ZNF599: variants seen among roughly 807,000 people sequenced by gnomAD.
ZNF599 encodes the protein zinc finger protein 599.
ZNF599 carries 10 observed loss-of-function variants against 11.7 expected under a neutral mutation model. The ratio of observed to expected loss-of-function variants is 0.86; its 90% CI spans 0.53 to 1.45. The LOEUF (loss-of-function observed/expected upper bound fraction) is 1.45. Among genes scored for constraint, ZNF599 ranks in the 40% most tolerant of loss-of-function variants. The pLI is 0.00. For missense variants in ZNF599, 688 were observed against 713.6 expected, an observed-to-expected ratio of 0.96 and a Z score of 0.41; for synonymous variants, 232 against 253.2, an observed-to-expected ratio of 0.92 and a Z score of 0.79.
At chr19:34,776,805 A>G (rs1048515053), upstream of ZNF599, among the ~76,000 whole-genome samples, 13 of 152,220 alleles carry the variant, frequency 8.5e-5, no homozygotes, top group Admixed American at 5.9e-4. Context: ...ATCGGCAGAG[A>G]GTAGCAGCTC....
In ZNF599 at chr19:34,760,056, G is replaced by GA. The variant is rs1189980608; in HGVS notation, c.744dup (p.His249SerfsTer11). The GA allele has an allele frequency of 8.7e-6, 14 of 1,614,028 alleles. No homozygotes were observed. The highest frequency in any genetic ancestry group is 1.2e-5 in the Non-Finnish European group (14 of 1,180,002). Reference sequence around the variant, plus strand: ...CACTTGTATGGTTTTTCCCCAGTATGAAGCCTCATATGTCGAATGACATCA... The same window carrying GA: ...CACTTGTATGGTTTTTCCCCAGTATGAAAGCCTCATATGTCGAATGACATCA... On this transcript the variant is annotated frameshift_variant, in exon 4 of 4. Coordinates refer to ENST00000329285, the MANE Select transcript of ZNF599 (RefSeq NM_001007248.3). LOFTEE classifies it low-confidence loss of function (END_TRUNC).
the ZNF599 span, among the ~76,000 whole-genome samples, chr19:34,798,938 G>C: frequency 6.6e-6 from 1 of 152,154 alleles, no homozygotes; most frequent in South Asian, 2.1e-4. Context: ...GGCAACTATT[G>C]ATCTTCTTAC....
the ZNF599 span, among the ~76,000 whole-genome samples, chr19:34,784,007 C>G: frequency 1.8e-4 from 27 of 152,202 alleles, no homozygotes; most frequent in Non-Finnish European, 3.4e-4. Context: ...TCATCCTGCC[C>G]AAGACCCCCT....
chr19:34,803,739 T>C, the ZNF599 span, among the ~76,000 whole-genome samples: 8 of 152,120 alleles, frequency 5.3e-5, no homozygotes, highest in Non-Finnish European at 1.2e-4. Flanking sequence ...CCACCCCTTC[T>C]TGCCAAGAAA....
the ZNF599 span, among the ~76,000 whole-genome samples, chr19:34,782,491 T>A: frequency 5.4e-4 from 83 of 152,328 alleles, no homozygotes; most frequent in African/African-American, 1.9e-3. Flanking sequence ...AAGAAATGAC[T>A]GAGCTGGATG....
In ZNF599 at chr19:34,759,775, A is replaced by C; in HGVS notation, c.1026T>G (p.Gly342=). 1.2e-6 allele frequency: 2 copies of C among 1,614,094 alleles called. No individual in the cohort carries two copies. The highest frequency in any genetic ancestry group is 1.7e-6 in the Non-Finnish European group (2 of 1,180,004). Residue 342 remains glycine (G), a synonymous_variant, in exon 4 of 4, where the codon GGT becomes GGG. Coordinates refer to ENST00000329285, the MANE Select transcript of ZNF599 (RefSeq NM_001007248.3). ...IHTGKKLYEC[G]ECGKAFTHRS... is the part of the protein sequence containing the mutation. The stretch of plus-strand genomic sequence containing the variant: ...GGTGCGTGAAGGCCTTTCCACATTC[A>C]CCGCACTCATAGAGTTTCTTTCCAG...
At chr19:34,803,856 T>C in the ZNF599 span, among the ~76,000 whole-genome samples, 2 of 152,186 alleles carry the variant, frequency 1.3e-5, no homozygotes, top group African/African-American at 4.8e-5. Context: ...TCCCTCTCCA[T>C]GTGCACATCA....
chr19:34,777,609 T>G (rs547062208), upstream of ZNF599, among the ~76,000 whole-genome samples: 206 of 136,032 alleles, frequency 1.5e-3, no homozygotes, highest in African/African-American at 5.3e-3. Flanking sequence ...ATATATATAC[T>G]GGATATGTAT....
At chr19:34,801,053 C>T in the ZNF599 span, among the ~76,000 whole-genome samples, 1 of 152,202 alleles carries the variant, frequency 6.6e-6, no homozygotes. Flanking sequence ...CCTTCCACCT[C>T]TGTGTGGTAA....
intron 2 of ZNF599, among the ~76,000 whole-genome samples, chr19:34,767,825 C>T (rs1255047856): frequency 1.3e-5 from 2 of 152,220 alleles, no homozygotes; most frequent in Middle Eastern, 3.2e-3. Flanking sequence ...CACAAGGATA[C>T]TGGCCAGGGC....
In ZNF599 at chr19:34,758,760, A is replaced by C. The variant is rs2145446235; in HGVS notation, c.*274T>G. 1 of 316,914 alleles carries C rather than the reference A, an allele frequency of 3.2e-6. No individual in the cohort carries two copies. The highest frequency in any genetic ancestry group is 5.8e-6 in the Non-Finnish European group (1 of 173,094). 19.6% of individuals were successfully genotyped at this position (316,914 alleles called of 1,614,324 possible). A position where few individuals can be genotyped will look rare whatever the true frequency, so the allele number is the denominator to read the frequency against. Reference sequence around the variant, plus strand: ...TGACATTTTACCTAAATGCATGTTAACCACCAGGTCTCTCCCCTCGATTAT... The same window carrying C: ...TGACATTTTACCTAAATGCATGTTACCCACCAGGTCTCTCCCCTCGATTAT... On this transcript the variant is annotated 3_prime_UTR_variant, in exon 4 of 4. Transcript: ENST00000329285.
In ZNF599 at chr19:34,772,557, G is replaced by A. The variant is rs769404147; in HGVS notation, c.18+267C>T. 17 of 1,339,330 alleles carry A rather than the reference G, an allele frequency of 1.3e-5. No individual in the cohort carries two copies. The Admixed American group carries it at 5.2e-4, about 41-fold the overall frequency. 83.0% of individuals were successfully genotyped at this position (1,339,330 alleles called of 1,614,324 possible). A position where few individuals can be genotyped will look rare whatever the true frequency, so the allele number is the denominator to read the frequency against. ...TTACTGAGACTCGCATTTTAGACCC[G>A]AGGGAATGGAGGCCGAGGGCAGCGA... On this transcript the variant is annotated intron_variant, in intron 1 of 3. Transcript: ENST00000329285.
At chr19:34,778,625 G>A in the ZNF599 span, among the ~76,000 whole-genome samples, 1 of 152,146 alleles carries the variant, frequency 6.6e-6, no homozygotes, top group Admixed American at 6.5e-5. Context: ...AAAATGTAAT[G>A]GAGAATATGT....
Position 34,759,949 on chromosome 19 carries a change from C to T in ZNF599, c.852G>A (p.Glu284=). The T allele has an allele frequency of 6.2e-7, 1 of 1,614,168 alleles. No individual in the cohort carries two copies. The highest frequency in any genetic ancestry group is 1.3e-5 in the African/African-American group (1 of 75,034). ...TGAATGCTTTGCCACATTCTTTGCA[C>T]TCATAGGGCTTATCTCCGGTGTGAA... is the stretch of plus-strand genomic sequence containing the variant. ...QRIHTGDKPY[E]CKECGKAFTH... The change falls in exon 4 of 4, where the codon GAG becomes GAA. Residue 284 remains glutamate (E), a synonymous_variant. Coordinates refer to ENST00000329285, the MANE Select transcript of ZNF599 (RefSeq NM_001007248.3).
Position 34,773,033 on chromosome 19 carries a change from G to T in ZNF599, c.-192C>A. On this transcript the variant is annotated 5_prime_UTR_variant, in exon 1 of 4. Transcript: ENST00000329285. ...GGGCTGTCGCCAAGGCCCCAGGAAG[G>T]GTTTTGCAGACGCTTGTGGGGGTGG... The T allele has an allele frequency of 1.6e-6, 1 of 627,974 alleles. No homozygotes were observed. The highest frequency in any genetic ancestry group is 2.6e-6 in the Non-Finnish European group (1 of 388,806). 38.9% of individuals were successfully genotyped at this position (627,974 alleles called of 1,614,324 possible).
chr19:34,800,247 G>A, the ZNF599 span, among the ~76,000 whole-genome samples: 4 of 152,158 alleles, frequency 2.6e-5, no homozygotes, highest in African/African-American at 9.6e-5. Flanking sequence ...TTATCATTAT[G>A]TACTGCCCCT....
chr19:34,783,660 A>G, the ZNF599 span, among the ~76,000 whole-genome samples: 3 of 152,308 alleles, frequency 2.0e-5, no homozygotes, highest in South Asian at 6.2e-4. Flanking sequence ...ATCAGAAAAT[A>G]TAGAAAATAT....
At chr19:34,776,114 G>C (rs2069216130), upstream of ZNF599, among the ~76,000 whole-genome samples, 1 of 152,092 alleles carries the variant, frequency 6.6e-6, no homozygotes, top group Non-Finnish European at 1.5e-5. Flanking sequence ...TTTCTTTGTT[G>C]CATTTACTTT....
intron 1 of ZNF599, among the ~76,000 whole-genome samples, chr19:34,770,965 T>G (rs769635762): frequency 6.6e-6 from 1 of 152,090 alleles, no homozygotes; most frequent in Non-Finnish European, 1.5e-5. Context: ...CAATCCACTG[T>G]GGGTGAAATA....
Sources: allele counts gnomAD v4.1 joint callset (sites outside exome capture counted in the v4.1 genomes callset), GRCh38; gene constraint gnomAD v4.1.1; transcripts MANE v1.5; gene names NCBI Gene and HGNC (gene_info 2026-07-23, HGNC 2026-07-21).